The following EPC2 variants were observed in gnomAD, a reference collection of about 807,000 sequenced individuals.
EPC2 encodes the protein enhancer of polycomb 2.
EPC2 carries 14 observed loss-of-function variants against 92.1 expected under a neutral mutation model. The observed-to-expected ratio is 0.15, with a 90% confidence interval of 0.10 to 0.24. The LOEUF (loss-of-function observed/expected upper bound fraction) is 0.24, where lower values mean the gene tolerates loss of function less well. EPC2 is among the 10% of genes least tolerant of loss of function. The pLI is 1.00. For synonymous variants in EPC2, 340 were observed against 334.7 expected, an observed-to-expected ratio of 1.02 and a Z score of -0.17; for missense variants, 755 against 971.5, an observed-to-expected ratio of 0.78 and a Z score of 2.96.
chr2:148,741,554 T>A (rs1016852201), intron 2 of EPC2, among the ~76,000 whole-genome samples: 13 of 152,190 alleles, frequency 8.5e-5, no homozygotes, highest in African/African-American at 2.9e-4. Context: ...CCTTTGTTAG[T>A]ACCTTTAAGA....
rs147661195 is a variant in EPC2, at chr2:148,755,910, T to C, written c.666+1777T>C. Among the ~76,000 whole-genome samples the C allele has an allele frequency of 3.5e-3, 526 of 152,302 alleles. 4 individuals carry two copies. Among genetic ancestry groups the C allele is most frequent in the African/African-American group, 0.012 (499 of 41,562 alleles). On this transcript the variant is annotated intron_variant, in intron 4 of 13. Coordinates refer to ENST00000258484, the MANE Select transcript of EPC2 (RefSeq NM_015630.4). The stretch of plus-strand genomic sequence containing the variant: ...TCCAACCTCTCAGATCTTATCTGTG[T>C]CATTAAGCAATGCATGACTGTAATT...
intron 1 of EPC2, among the ~76,000 whole-genome samples, chr2:148,686,230 A>G (rs868063038): frequency 1.3e-5 from 2 of 152,380 alleles, no homozygotes; most frequent in African/African-American, 4.8e-5. Context: ...CACCTGCAGT[A>G]AATTCCATCT....
chr2:148,715,034 T>C, intron 2 of EPC2, among the ~76,000 whole-genome samples: 1 of 102,468 alleles, frequency 9.8e-6, no homozygotes, highest in Non-Finnish European at 2.0e-5. Context: ...GGTTTTTTTT[T>C]TTTTTTTTTT....
intron 2 of EPC2, among the ~76,000 whole-genome samples, chr2:148,742,128 T>C (rs1244429487): frequency 6.6e-6 from 1 of 152,216 alleles, no homozygotes; most frequent in Non-Finnish European, 1.5e-5. Context: ...TATCTAATCC[T>C]ACACACATTG....
chr2:148,734,759 T>A (rs1682717144), intron 2 of EPC2, among the ~76,000 whole-genome samples: 1 of 152,008 alleles, frequency 6.6e-6, no homozygotes, highest in Non-Finnish European at 1.5e-5. Context: ...GAATGTTATG[T>A]AAGTGAAATC....
chr2:148,685,758 T>G, intron 1 of EPC2, among the ~76,000 whole-genome samples: 1 of 152,172 alleles, frequency 6.6e-6, no homozygotes, highest in East Asian at 1.9e-4. Flanking sequence ...CAGAGTGAGA[T>G]TCCATCTCAA....
At chr2:148,648,214 T>C (rs1196864483) in intron 1 of EPC2, among the ~76,000 whole-genome samples, 1 of 152,206 alleles carries the variant, frequency 6.6e-6, no homozygotes, top group African/African-American at 2.4e-5. Flanking sequence ...CTTCCCAGAG[T>C]GTCCAATTGG....
intron 1 of EPC2, among the ~76,000 whole-genome samples, chr2:148,688,310 G>C (rs188546230): frequency 6.6e-6 from 1 of 151,920 alleles, no homozygotes; most frequent in Non-Finnish European, 1.5e-5. Context: ...TATTGCAAGG[G>C]CAAAAAATCA....
intron 3 of EPC2, among the ~76,000 whole-genome samples, chr2:148,748,503 C>G (rs1236538341): frequency 6.6e-6 from 1 of 151,790 alleles, no homozygotes; most frequent in Non-Finnish European, 1.5e-5. Context: ...TTTTTTGTTC[C>G]ACAATGTTAC....
intron 1 of EPC2, among the ~76,000 whole-genome samples, chr2:148,652,691 A>T (rs1002520343): frequency 2.6e-5 from 4 of 152,216 alleles, no homozygotes; most frequent in Admixed American, 6.5e-5. Context: ...TGTGACATTA[A>T]ATATTGGGAA....
chr2:148,725,904 A>G (rs1445426386), intron 2 of EPC2, among the ~76,000 whole-genome samples: 4 of 152,170 alleles, frequency 2.6e-5, no homozygotes, highest in Non-Finnish European at 1.5e-5. Context: ...GTTGTACAAC[A>G]GGTCTCTAAA....
intron 2 of EPC2, among the ~76,000 whole-genome samples, chr2:148,725,304 T>G (rs1317739424): frequency 6.6e-6 from 1 of 152,094 alleles, no homozygotes; most frequent in African/African-American, 2.4e-5. Context: ...TTCTCCATGA[T>G]TCATTAAATG....
At chr2:148,770,654 C>G in intron 8 of EPC2, 138 bp from the exon 9 acceptor site, 2 of 961,420 alleles carry the variant, frequency 2.1e-6, no homozygotes, top group Admixed American at 3.6e-5. Context: ...CAATGAAGCC[C>G]CACTTTTACA....
At chr2:148,661,953 T>C (rs949165090) in intron 1 of EPC2, among the ~76,000 whole-genome samples, 12 of 152,074 alleles carry the variant, frequency 7.9e-5, no homozygotes, top group African/African-American at 2.4e-4. Flanking sequence ...GAATCTACAA[T>C]GAACTCAAAC....
At chr2:148,713,801 C>T (rs1429350160) in intron 2 of EPC2, among the ~76,000 whole-genome samples, 1 of 152,182 alleles carries the variant, frequency 6.6e-6, no homozygotes, top group Non-Finnish European at 1.5e-5. Flanking sequence ...TAGGCTACAG[C>T]ATATAGCATA....
intron 7 of EPC2, among the ~76,000 whole-genome samples, chr2:148,768,535 T>A (rs1297449939): frequency 6.6e-6 from 1 of 152,202 alleles, no homozygotes; most frequent in Admixed American, 6.5e-5. Flanking sequence ...ATCTCTTCTC[T>A]ATAACCAATG....
intron 2 of EPC2, among the ~76,000 whole-genome samples, chr2:148,706,229 A>G (rs984488750): frequency 6.6e-6 from 1 of 152,170 alleles, no homozygotes; most frequent in African/African-American, 2.4e-5. Flanking sequence ...AGCCGATTCA[A>G]TCAAGTGGAA....
At chr2:148,748,279 C>T (rs373036333) in intron 3 of EPC2, among the ~76,000 whole-genome samples, 8 of 152,088 alleles carry the variant, frequency 5.3e-5, no homozygotes, top group African/African-American at 1.7e-4. Flanking sequence ...CCCAGCCATG[C>T]TACCTGTACA....
At chr2:148,770,444 G>A (rs894236340) in intron 8 of EPC2, among the ~76,000 whole-genome samples, 1 of 152,114 alleles carries the variant, frequency 6.6e-6, no homozygotes, top group Non-Finnish European at 1.5e-5. Context: ...TTCTCAGTAG[G>A]AAGCCTACAA....
Sources: allele counts gnomAD v4.1 joint callset (sites outside exome capture counted in the v4.1 genomes callset), GRCh38; gene constraint gnomAD v4.1.1; transcripts MANE v1.5; gene names NCBI Gene and HGNC (gene_info 2026-07-23, HGNC 2026-07-21).